Variants in CAMTA1 observed in about 807,000 individuals in gnomAD.
CAMTA1 encodes calmodulin binding transcription activator 1.
In CAMTA1, 27 loss-of-function variants were observed where a neutral mutation model predicts 170.9. That is an observed-to-expected ratio of 0.16 (90% CI 0.12 to 0.22). The LOEUF is 0.22. Among genes scored for constraint, CAMTA1 ranks in the 10% least tolerant of loss-of-function variants. CAMTA1 has a pLI of 1.00. For missense variants in CAMTA1, 1,619 were observed against 2,217.2 expected (o/e 0.73, Z 5.42); for synonymous variants, 833 against 891.5 (o/e 0.93, Z 1.17).
rs561150502 is a variant in CAMTA1 at position 7,639,426 on chromosome 1, G to C, written c.511-974G>C. ...ATGGGGTGACAGAAGAGCTCTTCCA[G>C]GGAGGAGTTTCCAGAGATTCTGGGC... On this transcript the variant is annotated intron_variant, in intron 6 of 22. Coordinates refer to ENST00000303635, the MANE Select transcript of CAMTA1 (RefSeq NM_015215.4). 9.8e-5 allele frequency among the ~76,000 whole-genome samples: 15 copies of C among 152,292 alleles called. 1 individual carries two copies. The highest frequency in any genetic ancestry group is 8.5e-4 in the Admixed American group (13 of 15,300).
intron 3 of CAMTA1, among the ~76,000 whole-genome samples, chr1:6,842,596 C>T (rs1656287910): frequency 6.6e-6 from 1 of 152,212 alleles, no homozygotes; most frequent in Non-Finnish European, 1.5e-5. Flanking sequence ...CAAAAGAAGT[C>T]TTCACTGTGC....
At chr1:7,284,177 C>CTTCTTCTTCTTCTTCTTATTATTA (rs1333698169) in intron 5 of CAMTA1, among the ~76,000 whole-genome samples, 1 of 99,308 alleles carries the variant, frequency 1.0e-5, no homozygotes, top group Non-Finnish European at 2.0e-5. Context: ...TCTTCTTCTT[C>CTTCTTCTTCTTCTTCTTATTATTA]TTATTATTAT....
At chr1:6,928,968 G>A (rs558535788) in intron 3 of CAMTA1, among the ~76,000 whole-genome samples, 1 of 152,338 alleles carries the variant, frequency 6.6e-6, no homozygotes, top group East Asian at 1.9e-4. Context: ...CAGCAAGCGT[G>A]TCTGTAGGAG....
chr1:7,745,903 T>G lies in CAMTA1; in HGVS notation c.4429T>G (p.Ser1477Ala), dbSNP rs1477364625. Reference sequence around the variant, plus strand: ...TAATACCAGCTTGAGCCCTGTTGGCTCTCCCGTCAGTGAAATCGCTTTCGA... The same window carrying G: ...TAATACCAGCTTGAGCCCTGTTGGCGCTCCCGTCAGTGAAATCGCTTTCGA... ...SSNTSLSPVGSPVSEIAFEKP... is the reference protein window; with the variant it reads ...SSNTSLSPVGAPVSEIAFEKP... The change falls in exon 18 of 23, where the codon TCT becomes GCT. Residue 1477 changes from serine to alanine, a missense_variant. By Grantham distance (99) the Ser-to-Ala change is moderately conservative (BLOSUM62 1). Around this residue, in one of 8 missense-constraint regions of CAMTA1, gnomAD observed 370 missense variants for 429.4 expected, o/e 0.86. Coordinates refer to ENST00000303635, the MANE Select transcript of CAMTA1 (RefSeq NM_015215.4). 6.2e-7 allele frequency: 1 copy of G among 1,614,234 alleles called. No individual in the cohort carries two copies. The highest frequency in any genetic ancestry group is 1.7e-5 in the Admixed American group (1 of 60,022).
chr1:7,416,225 A>G (rs2091161783), intron 5 of CAMTA1, among the ~76,000 whole-genome samples: 1 of 151,846 alleles, frequency 6.6e-6, no homozygotes. Context: ...GGTGAATCTG[A>G]CAATTATGTG....
intron 11 of CAMTA1, among the ~76,000 whole-genome samples, chr1:7,730,050 T>C (rs2096719930): frequency 6.6e-6 from 1 of 152,254 alleles, no homozygotes; most frequent in Admixed American, 6.5e-5. Flanking sequence ...AGACATTGAC[T>C]TCATTTGTCT....
At chr1:6,847,707 C>CA (rs1407515429) in intron 3 of CAMTA1, among the ~76,000 whole-genome samples, 1 of 138,064 alleles carries the variant, frequency 7.2e-6, no homozygotes, top group Non-Finnish European at 1.6e-5. Flanking sequence ...CCCCAGCTAA[C>CA]TTTTTTTTTT....
intron 16 of CAMTA1, among the ~76,000 whole-genome samples, chr1:7,742,365 TTACTA>T (rs1474952585): frequency 1.3e-5 from 2 of 152,044 alleles, no homozygotes; most frequent in South Asian, 2.1e-4. Context: ...TCATATATAT[TTACTA>T]TATGATAGAT....
chr1:7,074,599 A>C (rs996766142), intron 3 of CAMTA1, among the ~76,000 whole-genome samples: 10 of 152,200 alleles, frequency 6.6e-5, no homozygotes, highest in Admixed American at 5.2e-4. Context: ...TAGTGTAAGC[A>C]TTAAGTTCTT....
chr1:6,840,184 A>T (rs1462668410), intron 3 of CAMTA1, among the ~76,000 whole-genome samples: 1 of 152,054 alleles, frequency 6.6e-6, no homozygotes, highest in Non-Finnish European at 1.5e-5. Flanking sequence ...GGGCAACAAG[A>T]GCGGAACACC....
chr1:6,854,688 T>C lies in CAMTA1; in HGVS notation c.234+29478T>C, dbSNP rs57599077. On this transcript the variant is annotated intron_variant, in intron 3 of 22. Coordinates refer to ENST00000303635, the MANE Select transcript of CAMTA1 (RefSeq NM_015215.4). ...AAAGACTAAATTCAGAATATCATAC[T>C]TACAAAGACAGGTTTAATATTTGAA... 7.7e-3 allele frequency among the ~76,000 whole-genome samples: 1,180 copies of C among 152,288 alleles called. 13 individuals are homozygous for C. Among genetic ancestry groups the C allele is most frequent in the African/African-American group, 0.027 (1,123 of 41,570 alleles).
At chr1:6,839,550 G>A (rs1654818779) in intron 3 of CAMTA1, among the ~76,000 whole-genome samples, 1 of 152,142 alleles carries the variant, frequency 6.6e-6, no homozygotes, top group African/African-American at 2.4e-5. Flanking sequence ...ATCGTTTAGA[G>A]GGAAAACAAT....
At position 7,523,015 on chromosome 1, in the gene CAMTA1, C is replaced by T. The variant is rs141352573; in HGVS notation, c.510+55114C>T. Among the ~76,000 whole-genome samples the T allele has an allele frequency of 9.2e-3, 1,402 of 152,290 alleles. 16 individuals are homozygous for T. Among genetic ancestry groups the T allele is most frequent in the Middle Eastern group, 0.075 (22 of 294 alleles). Reference sequence around the variant, plus strand: ...CTGAGTAGCTAGAATTACAAGCATGCGCCACCACGCCCAGCTAATTTTTGT... The same window carrying T: ...CTGAGTAGCTAGAATTACAAGCATGTGCCACCACGCCCAGCTAATTTTTGT... On this transcript the variant is annotated intron_variant, in intron 6 of 22. Coordinates refer to ENST00000303635, the MANE Select transcript of CAMTA1 (RefSeq NM_015215.4).
intron 7 of CAMTA1, among the ~76,000 whole-genome samples, chr1:7,648,435 AC>A (rs1172755008): frequency 6.6e-6 from 1 of 151,826 alleles, no homozygotes; most frequent in Non-Finnish European, 1.5e-5. Flanking sequence ...AGCTGCAAAA[AC>A]TTTTCCCCCA....
At chr1:6,985,961 G>A (rs369251822) in intron 3 of CAMTA1, among the ~76,000 whole-genome samples, 8 of 152,274 alleles carry the variant, frequency 5.3e-5, no homozygotes, top group Admixed American at 4.6e-4. Context: ...GACTACCGGC[G>A]ATTAACTCTT....
intron 6 of CAMTA1, among the ~76,000 whole-genome samples, chr1:7,611,860 G>T (rs906083889): frequency 6.6e-6 from 1 of 152,228 alleles, no homozygotes; most frequent in Non-Finnish European, 1.5e-5. Context: ...GACCTGAGAG[G>T]TGCTGACCTG....
intron 3 of CAMTA1, among the ~76,000 whole-genome samples, chr1:7,077,147 T>C (rs1639398591): frequency 6.6e-6 from 1 of 152,164 alleles, no homozygotes; most frequent in Non-Finnish European, 1.5e-5. Context: ...CATTTGCTAA[T>C]GAATCTTACT....
intron 4 of CAMTA1, among the ~76,000 whole-genome samples, chr1:7,204,892 C>T (rs1445959755): frequency 1.4e-5 from 2 of 140,278 alleles, no homozygotes; most frequent in Non-Finnish European, 3.0e-5. Flanking sequence ...TGCAGTGGCA[C>T]GACCTCGGCT....
chr1:6,825,044 A>G (rs1439230343), intron 2 of CAMTA1, 48 bp from the exon 3 acceptor site: 2 of 1,137,976 alleles, frequency 1.8e-6, no homozygotes, highest in African/African-American at 3.1e-5. Flanking sequence ...ACTTTAAAGG[A>G]GATTTTATCT....
Sources: allele counts gnomAD v4.1 joint callset (sites outside exome capture counted in the v4.1 genomes callset), GRCh38; gene constraint gnomAD v4.1.1; regional missense constraint gnomAD v4.1.1; transcripts MANE v1.5; gene names NCBI Gene and HGNC (gene_info 2026-07-23, HGNC 2026-07-21).